The following TRIO variants were observed in gnomAD, a reference collection of about 807,000 sequenced individuals.
TRIO encodes triple functional domain protein.
In TRIO, 58 loss-of-function variants were observed where a neutral mutation model predicts 351.9. The ratio of observed to expected loss-of-function variants is 0.16; its 90% CI spans 0.13 to 0.21. TRIO has a LOEUF of 0.21. Among genes scored for constraint, TRIO ranks in the 10% least tolerant of loss-of-function variants. The pLI, the probability that TRIO is intolerant of heterozygous loss-of-function variation, is 1.00. For missense variants in TRIO, 3,201 were observed against 4,027.8 expected (o/e 0.79, Z 5.56); for synonymous variants, 1,758 against 1,595.7 (o/e 1.10, Z -2.42).
intron 1 of TRIO, 138 bp downstream of exon 1, chr5:14,144,020 G>A: frequency 1.7e-6 from 1 of 595,094 alleles, no homozygotes; most frequent in Non-Finnish European, 2.1e-6. Flanking sequence ...CTCTCGCCTG[G>A]GACCACTGCT....
At chr5:14,435,169 T>G (rs1489433225) in intron 34 of TRIO, among the ~76,000 whole-genome samples, 1 of 151,926 alleles carries the variant, frequency 6.6e-6, no homozygotes, top group East Asian at 1.9e-4. Context: ...GGCTTGCAGA[T>G]GGTTTGAAGG....
In TRIO at chr5:14,403,816, T is replaced by TGTGGTG. The variant is rs554504977; in HGVS notation, c.4717-2029_4717-2028insGTGGTG. On this transcript the variant is annotated intron_variant, in intron 31 of 56. Transcript: ENST00000344204. The stretch of plus-strand genomic sequence containing the variant: ...AGGTTGTGGTGGTGAGGGTGCAGGT[T>TGTGGTG]GTGAGGGTGCAGGTGGTGGTGAGGG... Among the ~76,000 whole-genome samples the TGTGGTG allele has an allele frequency of 5.2e-4, 7 of 13,376 alleles. 1 individual carries two copies. Among genetic ancestry groups the TGTGGTG allele is most frequent in the Admixed American group, 3.8e-3 (5 of 1,300 alleles). 8.8% of individuals were successfully genotyped at this position (13,376 alleles called of 152,430 possible). A position where few individuals can be genotyped will look rare whatever the true frequency, so the allele number is the denominator to read the frequency against.
intron 1 of TRIO, among the ~76,000 whole-genome samples, chr5:14,255,302 T>TC (rs1466734557): frequency 6.6e-6 from 1 of 152,182 alleles, no homozygotes; most frequent in African/African-American, 2.4e-5. Context: ...GGCGTAGAGA[T>TC]CCACTGGCCT....
chr5:14,402,808 G>A (rs1467290995), intron 31 of TRIO, among the ~76,000 whole-genome samples: 6 of 152,066 alleles, frequency 3.9e-5, no homozygotes, highest in African/African-American at 4.8e-5. Context: ...GGAGGTCATC[G>A]TGTAGAATTT....
chr5:14,443,658 G>A, intron 34 of TRIO, among the ~76,000 whole-genome samples: 1 of 152,170 alleles, frequency 6.6e-6, no homozygotes, highest in African/African-American at 2.4e-5. Context: ...AAGTTCATTG[G>A]GGCATCCCCC....
chr5:14,465,063 G>A (rs973130087), intron 36 of TRIO, among the ~76,000 whole-genome samples: 9 of 151,808 alleles, frequency 5.9e-5, no homozygotes, highest in East Asian at 5.8e-4. Context: ...CCTCTTCCTC[G>A]TTTCTTTTTT....
At chr5:14,446,152 C>G (rs971062501) in intron 34 of TRIO, among the ~76,000 whole-genome samples, 7 of 151,886 alleles carry the variant, frequency 4.6e-5, no homozygotes, top group African/African-American at 1.7e-4. Flanking sequence ...CTCCCTCCCT[C>G]GCTCCCTTCC....
At chr5:14,360,164 G>T (rs751261292) in intron 13 of TRIO, among the ~76,000 whole-genome samples, 3 of 152,188 alleles carry the variant, frequency 2.0e-5, no homozygotes, top group Non-Finnish European at 4.4e-5. Flanking sequence ...CCCCCACAAA[G>T]AGGTGTTCTT....
intron 1 of TRIO, among the ~76,000 whole-genome samples, chr5:14,196,865 T>C (rs1192879518): frequency 2.0e-5 from 3 of 152,234 alleles, no homozygotes; most frequent in Admixed American, 1.3e-4. Context: ...TGCCATTCGA[T>C]GAGTCATGTT....
At position 14,439,396 on chromosome 5, in the gene TRIO, T is replaced by C. The variant is rs144074148; in HGVS notation, c.5203+19375T>C. On this transcript the variant is annotated intron_variant, in intron 34 of 56. Coordinates refer to ENST00000344204, the MANE Select transcript of TRIO (RefSeq NM_007118.4). Reference sequence around the variant, plus strand: ...AAAATTATTGTACTCATTTTTAAGCTTAATCCTCTTTTCTTTCATAGAGAA... The same window carrying C: ...AAAATTATTGTACTCATTTTTAAGCCTAATCCTCTTTTCTTTCATAGAGAA... Among the ~76,000 whole-genome samples, 68 of 152,338 alleles carry C rather than the reference T, an allele frequency of 4.5e-4. No homozygotes were observed. The East Asian group carries it at 0.012, about 27-fold the overall frequency.
chr5:14,379,941 G>A (rs889053460), intron 20 of TRIO, among the ~76,000 whole-genome samples: 5 of 152,116 alleles, frequency 3.3e-5, no homozygotes, highest in African/African-American at 9.7e-5. Context: ...CTTGGCGCAG[G>A]CCCCTCCCGC....
intron 1 of TRIO, among the ~76,000 whole-genome samples, chr5:14,196,128 AT>A (rs1790755197): frequency 6.6e-6 from 1 of 152,138 alleles, no homozygotes; most frequent in South Asian, 2.1e-4. Flanking sequence ...CATTGCAAAG[AT>A]TTGTTGTGAG....
At chr5:14,164,033 T>C (rs966871765) in intron 1 of TRIO, among the ~76,000 whole-genome samples, 9 of 152,172 alleles carry the variant, frequency 5.9e-5, no homozygotes, top group Admixed American at 2.6e-4. Flanking sequence ...TGACTCCTTT[T>C]TTACTAGCCT....
intron 2 of TRIO, among the ~76,000 whole-genome samples, chr5:14,279,337 A>G (rs1735793251): frequency 6.6e-6 from 1 of 151,222 alleles, no homozygotes. Context: ...TGGCTGTTCT[A>G]AAAGGAAAGA....
intron 18 of TRIO, among the ~76,000 whole-genome samples, chr5:14,372,857 T>A (rs1745238022): frequency 6.6e-6 from 1 of 152,184 alleles, no homozygotes; most frequent in Admixed American, 6.5e-5. Flanking sequence ...TGTTGTTTGG[T>A]TTGACAGCGT....
At chr5:14,189,589 C>T (rs1790336637) in intron 1 of TRIO, among the ~76,000 whole-genome samples, 1 of 152,172 alleles carries the variant, frequency 6.6e-6, no homozygotes, top group African/African-American at 2.4e-5. Context: ...GATAAATTCA[C>T]ACGTGAGTGT....
chr5:14,412,535 A>G (rs1212838655), intron 33 of TRIO, among the ~76,000 whole-genome samples: 1 of 151,998 alleles, frequency 6.6e-6, no homozygotes, highest in African/African-American at 2.4e-5. Flanking sequence ...GCCTCTATTC[A>G]CCACATGGAA....
At chr5:14,449,056 G>A (rs1472105023) in intron 34 of TRIO, among the ~76,000 whole-genome samples, 2 of 152,200 alleles carry the variant, frequency 1.3e-5, no homozygotes, top group Non-Finnish European at 2.9e-5. Context: ...CCAGAGTAGA[G>A]AAAGATCACA....
At chr5:14,473,367 C>T (rs759602166) in intron 39 of TRIO, among the ~76,000 whole-genome samples, 1 of 152,254 alleles carries the variant, frequency 6.6e-6, no homozygotes, top group East Asian at 1.9e-4. Flanking sequence ...GTTACACATC[C>T]CATTAAAAGT....
Sources: allele counts gnomAD v4.1 joint callset (sites outside exome capture counted in the v4.1 genomes callset), GRCh38; gene constraint gnomAD v4.1.1; transcripts MANE v1.5; gene names NCBI Gene and HGNC (gene_info 2026-07-23, HGNC 2026-07-21).